The following RINT1 variants were observed in gnomAD, a reference collection of about 807,000 sequenced individuals.
RINT1 encodes the protein RAD50-interacting protein 1.
RINT1 carries 75 observed loss-of-function variants against 97.7 expected under a neutral mutation model. The ratio of observed to expected loss-of-function variants is 0.77; its 90% CI spans 0.64 to 0.93. RINT1 has a LOEUF of 0.93. RINT1 is among the 40% of genes least tolerant of loss of function. The pLI is 0.00. For missense variants in RINT1, 892 were observed against 925.2 expected, an observed-to-expected ratio of 0.96 and a Z score of 0.47; for synonymous variants, 303 against 326.3, an observed-to-expected ratio of 0.93 and a Z score of 0.77.
intron 11 of RINT1, among the ~76,000 whole-genome samples, chr7:105,561,211 C>T (rs557749828): frequency 1.3e-5 from 2 of 151,874 alleles, no homozygotes; most frequent in East Asian, 1.9e-4. Flanking sequence ...TTGATAGTGT[C>T]GTTTAAAAAA....
intron 12 of RINT1, 164 bp from the exon 13 acceptor site, chr7:105,565,113 A>G: frequency 1.9e-6 from 1 of 522,460 alleles, no homozygotes; most frequent in Non-Finnish European, 3.3e-6. Context: ...GAAAATATAA[A>G]TACAGGTACA....
intron 10 of RINT1, among the ~76,000 whole-genome samples, chr7:105,552,054 T>G (rs1790951462): frequency 6.6e-6 from 1 of 151,980 alleles, no homozygotes; most frequent in Non-Finnish European, 1.5e-5. Context: ...GGTGACAGAG[T>G]GAGACCCTGT....
Position 105,567,316 on chromosome 7 carries a change from T to G in RINT1, c.*5T>G. On this transcript the variant is annotated 3_prime_UTR_variant, in exon 15 of 15. Transcript: ENST00000257700. ...TGGCCTAATACTGGAAAATAATGTC[T>G]TTCAGAAAAAGGTTTCTTTGGTTTT... is the stretch of plus-strand genomic sequence containing the variant. The G allele has an allele frequency of 2.5e-6, 4 of 1,571,196 alleles. No individual in the cohort carries two copies. Among genetic ancestry groups the G allele is most frequent in the Non-Finnish European group, 3.5e-6 (4 of 1,157,024 alleles).
At position 105,542,560 on chromosome 7, in the gene RINT1, GGAC is replaced by G; in HGVS notation, c.429_431del (p.Asp144del). On this transcript the variant is annotated inframe_deletion, in exon 4 of 15. Transcript: ENST00000257700. ...ATTTGCTGACTGCGCAACCTTGGAT[GGAC>G]GATCTTGGAACCATGATTAGCCAGA... The G allele has an allele frequency of 6.2e-7, 1 of 1,614,100 alleles. No homozygotes were observed. Among genetic ancestry groups the G allele is most frequent in the Non-Finnish European group, 8.5e-7 (1 of 1,180,022 alleles).
In RINT1 at chr7:105,550,453, T is replaced by C. The variant is rs1358061744; in HGVS notation, c.1300T>C (p.Cys434Arg). ...SCMHILSEET[C>R]FQRWLTVERK... The stretch of plus-strand genomic sequence containing the variant: ...TATGCATATTCTATCAGAGGAAACC[T>C]GTTTTCAGAGATGGTTGACGGTGGA... Residue 434 changes from cysteine to arginine, a missense_variant, in exon 9 of 15, where the codon TGT (cysteine) becomes CGT (arginine). By Grantham distance (180) the Cys-to-Arg change is radical. Coordinates refer to ENST00000257700, the MANE Select transcript of RINT1 (RefSeq NM_021930.6). 1 of 1,613,996 alleles carries C rather than the reference T, an allele frequency of 6.2e-7. No homozygotes were observed. The highest frequency in any genetic ancestry group is 1.3e-5 in the African/African-American group (1 of 74,940).
chr7:105,542,642 G>C lies in RINT1; in HGVS notation c.508G>C (p.Glu170Gln). The C allele has an allele frequency of 1.2e-6, 2 of 1,612,598 alleles. No homozygotes were observed. Among genetic ancestry groups the C allele is most frequent in the Non-Finnish European group, 1.7e-6 (2 of 1,179,380 alleles). Residue 170 changes from glutamate to glutamine, a missense_variant, in exon 4 of 15, where the codon GAA becomes CAA. By Grantham distance (29) the Glu-to-Gln change is conservative. Coordinates refer to ENST00000257700, the MANE Select transcript of RINT1 (RefSeq NM_021930.6). ...AYLKWISQIE[E>Q]LSDNIQQYLM... Reference sequence around the variant, plus strand: ...CCTTAAATGGATTTCACAAATTGAAGAACTAAGGTAAAATGGGCCTCTTTG... The same window carrying C: ...CCTTAAATGGATTTCACAAATTGAACAACTAAGGTAAAATGGGCCTCTTTG...
At chr7:105,565,186 G>A (rs1791648231) in intron 12 of RINT1, 91 bp from the exon 13 acceptor site, 1 of 1,178,430 alleles carries the variant, frequency 8.5e-7, no homozygotes, top group Middle Eastern at 2.2e-4. Flanking sequence ...AAATGCCCTA[G>A]GACAGAACAC....
intron 7 of RINT1, 57 bp from the exon 8 acceptor site, chr7:105,549,998 T>C (rs1489686548): frequency 1.7e-5 from 19 of 1,118,930 alleles, no homozygotes; most frequent in Non-Finnish European, 2.4e-5. Flanking sequence ...AACCATGTAA[T>C]TGTAACTTTC....
chr7:105,567,121 T>C lies in RINT1; in HGVS notation c.2189T>C (p.Ile730Thr), dbSNP rs1562863928. Residue 730 changes from isoleucine (I) to threonine (T), a missense_variant and splice_region_variant, in exon 15 of 15, where the codon ATA becomes ACA. By Grantham distance (89) the Ile-to-Thr change is moderately conservative. Transcript: ENST00000257700. ...CCTCCTTTGTTTTCCCTAAACAGTA[T>C]AAAAGAAGCCTGTATTGTTTTGAAT... The part of the protein sequence containing the change: ...CKRPENYFKH[I>T]KEACIVLNLN... 6.4e-7 allele frequency: 1 copy of C among 1,553,632 alleles called. No individual in the cohort carries two copies.
chr7:105,561,565 T>C (rs1791442198), intron 11 of RINT1, among the ~76,000 whole-genome samples: 1 of 152,162 alleles, frequency 6.6e-6, no homozygotes, highest in South Asian at 2.1e-4. Context: ...GTCATTTTTT[T>C]GTTGTCATTT....
intron 3 of RINT1, chr7:105,541,528 A>G (rs1790459442): frequency 6.6e-6 from 1 of 151,808 alleles, no homozygotes; most frequent in African/African-American, 2.4e-5. Flanking sequence ...CTGTAATCCC[A>G]GCACTCTGGG....
At chr7:105,534,354 C>A (rs1385328485) in intron 2 of RINT1, among the ~76,000 whole-genome samples, 1 of 152,092 alleles carries the variant, frequency 6.6e-6, no homozygotes, top group Non-Finnish European at 1.5e-5. Context: ...TAGGCATGAG[C>A]CACTGTGCTC....
chr7:105,552,390 A>G (rs1259204480), intron 10 of RINT1, among the ~76,000 whole-genome samples: 1 of 152,174 alleles, frequency 6.6e-6, no homozygotes, highest in South Asian at 2.1e-4. Flanking sequence ...AGAGTAAAAT[A>G]ATGAAGTAAT....
At position 105,536,624 on chromosome 7, in the gene RINT1, G is replaced by T. The variant is rs1790246697; in HGVS notation, c.148G>T (p.Gly50Cys). The change falls in exon 3 of 15, where the codon GGT (glycine) becomes TGT (cysteine). Residue 50 changes from glycine (G) to cysteine (C), a missense_variant. Coordinates refer to ENST00000257700, the MANE Select transcript of RINT1 (RefSeq NM_021930.6). Reference protein sequence around the residue: ...SKQVSEGTDNGDLPSYVSAFI... With the variant: ...SKQVSEGTDNCDLPSYVSAFI... ...ACAAGTCAGTGAAGGTACAGATAAT[G>T]GTGATCTCCCTTCTTATGTGTCTGC... is the stretch of plus-strand genomic sequence containing the variant. 6.2e-7 allele frequency: 1 copy of T among 1,611,542 alleles called. No homozygotes were observed. Among genetic ancestry groups the T allele is most frequent in the Non-Finnish European group, 8.5e-7 (1 of 1,178,630 alleles).
At position 105,565,426 on chromosome 7, in the gene RINT1, T is replaced by C. The variant is rs1791671293; in HGVS notation, c.2036T>C (p.Val679Ala). 17 of 1,614,082 alleles carry C rather than the reference T, an allele frequency of 1.1e-5. No individual in the cohort carries two copies. The East Asian group carries it at 3.6e-4, about 34-fold the overall frequency. Residue 679 changes from valine to alanine, a missense_variant, in exon 13 of 15, where the codon GTA becomes GCA. Coordinates refer to ENST00000257700, the MANE Select transcript of RINT1 (RefSeq NM_021930.6). Reference protein sequence around the residue: ...SLFKIFWQMLVEKLDVYIYQE... With the variant: ...SLFKIFWQMLAEKLDVYIYQE... ...TTTAAAATTTTCTGGCAAATGCTTG[T>C]AGAGAAGCTGGATGTATACATCTAC...
intron 2 of RINT1, among the ~76,000 whole-genome samples, chr7:105,533,087 T>C (rs1790098738): frequency 6.6e-6 from 1 of 152,208 alleles, no homozygotes; most frequent in Non-Finnish European, 1.5e-5. Context: ...TCCCGATCCA[T>C]ACCTAGTACA....
At position 105,543,133 on chromosome 7, in the gene RINT1, G is replaced by A. The variant is rs558025965; in HGVS notation, c.515+484G>A. 8.6e-5 allele frequency among the ~76,000 whole-genome samples: 13 copies of A among 152,016 alleles called. No individual in the cohort carries two copies. In the South Asian group the frequency reaches 2.5e-3, roughly 29 times the overall value. On this transcript the variant is annotated intron_variant, in intron 4 of 14. Coordinates refer to ENST00000257700, the MANE Select transcript of RINT1 (RefSeq NM_021930.6). Reference sequence around the variant, plus strand: ...TCTCGATCTCTTGACCTCACTGTCCGCCAGCCTCGGCCGCTGGAAGTGCTG... The same window carrying A: ...TCTCGATCTCTTGACCTCACTGTCCACCAGCCTCGGCCGCTGGAAGTGCTG...
rs751165359 is a variant in RINT1, at chr7:105,567,246, C to G, written c.2314C>G (p.Leu772Val). The change falls in exon 15 of 15, where the codon CTG (leucine) becomes GTG (valine). Residue 772 changes from leucine to valine, a missense_variant. Physicochemically the swap from Leu to Val is conservative, Grantham distance 32. Coordinates refer to ENST00000257700, the MANE Select transcript of RINT1 (RefSeq NM_021930.6). ...AALNEVGIYK[L>V]AQQDVEILLN... ...ATTAAATGAAGTTGGAATTTACAAA[C>G]TGGCTCAACAAGATGTTGAGATTCT... The G allele has an allele frequency of 6.2e-7, 1 of 1,613,518 alleles. No individual in the cohort carries two copies. Among genetic ancestry groups the G allele is most frequent in the Non-Finnish European group, 8.5e-7 (1 of 1,179,808 alleles).
At chr7:105,558,830 C>G (rs1791300424) in intron 11 of RINT1, among the ~76,000 whole-genome samples, 1 of 151,460 alleles carries the variant, frequency 6.6e-6, no homozygotes, top group African/African-American at 2.4e-5. Flanking sequence ...GCATGGCAGG[C>G]ATGCTCTGTG....
Sources: allele counts gnomAD v4.1 joint callset (sites outside exome capture counted in the v4.1 genomes callset), GRCh38; gene constraint gnomAD v4.1.1; transcripts MANE v1.5; gene names NCBI Gene and HGNC (gene_info 2026-07-23, HGNC 2026-07-21).